SORCS3: variants seen among roughly 807,000 people sequenced by gnomAD.
SORCS3 encodes the protein VPS10 domain-containing receptor SorCS3.
SORCS3 carries 57 observed loss-of-function variants against 146.3 expected under a neutral mutation model. The observed-to-expected ratio is 0.39, with a 90% CI of 0.31 to 0.49. The LOEUF (loss-of-function observed/expected upper bound fraction) is 0.49, where lower values mean the gene tolerates loss of function less well. SORCS3 is among the 20% of genes least tolerant of loss of function. The pLI, the probability that SORCS3 is intolerant of heterozygous loss-of-function variation, is 0.92. For missense variants in SORCS3, 1,341 were observed against 1,575.5 expected (o/e 0.85, Z 2.52); for synonymous variants, 653 against 618.5 (o/e 1.06, Z -0.83).
intron 8 of SORCS3, among the ~76,000 whole-genome samples, chr10:105,141,922 G>T (rs556857712): frequency 6.6e-6 from 1 of 152,278 alleles, no homozygotes; most frequent in East Asian, 1.9e-4. Context: ...GTTTGACAGA[G>T]TTGTGAGGAT....
At chr10:105,155,455 G>A (rs777898668) in intron 9 of SORCS3, among the ~76,000 whole-genome samples, 15 of 152,194 alleles carry the variant, frequency 9.9e-5, no homozygotes, top group Non-Finnish European at 2.2e-4. Flanking sequence ...GGAATCATTA[G>A]GTGGTGGTCT....
At chr10:104,890,267 A>AC (rs1271589585) in intron 2 of SORCS3, among the ~76,000 whole-genome samples, 1 of 148,468 alleles carries the variant, frequency 6.7e-6, no homozygotes, top group African/African-American at 2.5e-5. Context: ...CCACCCCCAC[A>AC]CCTCCTTCTC....
intron 7 of SORCS3, among the ~76,000 whole-genome samples, chr10:105,107,058 T>A (rs1315101666): frequency 6.6e-6 from 1 of 152,106 alleles, no homozygotes; most frequent in East Asian, 1.9e-4. Flanking sequence ...GCCTTCCATA[T>A]CAAATAACCA....
intron 9 of SORCS3, among the ~76,000 whole-genome samples, chr10:105,152,099 T>C (rs934856179): frequency 1.3e-5 from 2 of 152,188 alleles, no homozygotes; most frequent in African/African-American, 4.8e-5. Flanking sequence ...ACAAATATTC[T>C]TTCCAACACC....
chr10:105,248,086 G>A (rs2056877968), intron 22 of SORCS3, among the ~76,000 whole-genome samples: 1 of 152,248 alleles, frequency 6.6e-6, no homozygotes, highest in South Asian at 2.1e-4. Context: ...TAGAATTACA[G>A]AGTTAATCCA....
Position 105,066,221 on chromosome 10 carries a change from C to T in SORCS3, c.1028+23093C>T, listed in dbSNP as rs190967601. Among the ~76,000 whole-genome samples the T allele has an allele frequency of 4.6e-5, 7 of 152,286 alleles. No homozygotes were observed. In the East Asian group the frequency reaches 9.6e-4, roughly 21 times the overall value. ...AGGCCTGCATTAACAGTAAGAAGCACGCCTTCCCCTGTCCCATCCCTCCTG... is the reference window on the plus strand; with the variant it reads ...AGGCCTGCATTAACAGTAAGAAGCATGCCTTCCCCTGTCCCATCCCTCCTG... On this transcript the variant is annotated intron_variant, in intron 5 of 26. Coordinates refer to ENST00000369701, the MANE Select transcript of SORCS3 (RefSeq NM_014978.3).
intron 22 of SORCS3, among the ~76,000 whole-genome samples, chr10:105,249,286 C>G (rs1333379453): frequency 6.6e-6 from 1 of 152,038 alleles, no homozygotes; most frequent in Non-Finnish European, 1.5e-5. Flanking sequence ...TGAAGATGAC[C>G]AGGAGGGTTG....
At chr10:104,729,262 C>G (rs761735811) in intron 1 of SORCS3, among the ~76,000 whole-genome samples, 1 of 152,184 alleles carries the variant, frequency 6.6e-6, no homozygotes, top group Non-Finnish European at 1.5e-5. Context: ...ATCCTACTTT[C>G]AGCAAGACAT....
In SORCS3 at chr10:104,733,520, A is replaced by ATT. The variant is rs34203788; in HGVS notation, c.627+91585_627+91586dup. Among the ~76,000 whole-genome samples the ATT allele has an allele frequency of 4.1e-3, 503 of 123,336 alleles. 2 individuals are homozygous for ATT. The highest frequency in any genetic ancestry group is 0.014 in the African/African-American group (461 of 33,222). The allele number at this position is 123,336 out of a possible 152,430, so 80.9% of individuals were successfully genotyped here. A position where few individuals can be genotyped will look rare whatever the true frequency, so the allele number is the denominator to read the frequency against. On this transcript the variant is annotated intron_variant, in intron 1 of 26. Transcript: ENST00000369701. Reference sequence around the variant, plus strand: ...GCGCACCACCATGCCCTGATGATTAATTTTTTTTTTTTTTTTTTTTGTAGA... The same window carrying ATT: ...GCGCACCACCATGCCCTGATGATTAATTTTTTTTTTTTTTTTTTTTTTGTAGA...
chr10:105,157,531 A>AACATAT (rs2056222241), intron 10 of SORCS3, among the ~76,000 whole-genome samples: 1 of 152,204 alleles, frequency 6.6e-6, no homozygotes, highest in Non-Finnish European at 1.5e-5. Flanking sequence ...AAGGCAAATA[A>AACATAT]ACATATAAGA....
intron 5 of SORCS3, among the ~76,000 whole-genome samples, chr10:105,061,324 T>C (rs1589614116): frequency 1.4e-5 from 2 of 142,488 alleles, no homozygotes; most frequent in Non-Finnish European, 3.0e-5. Flanking sequence ...AGGTGGAGTC[T>C]CGCTCTGTCA....
At chr10:104,774,946 C>T (rs1458651249) in intron 1 of SORCS3, among the ~76,000 whole-genome samples, 1 of 152,154 alleles carries the variant, frequency 6.6e-6, no homozygotes, top group Non-Finnish European at 1.5e-5. Context: ...TTCCCAAGGA[C>T]ATATTTCTCA....
At chr10:104,805,446 G>A (rs1382621912) in intron 1 of SORCS3, among the ~76,000 whole-genome samples, 1 of 152,220 alleles carries the variant, frequency 6.6e-6, no homozygotes, top group African/African-American at 2.4e-5. Context: ...GTTTGAAAGT[G>A]GTTTTGGCTA....
At chr10:104,883,980 G>A (rs182143702) in intron 2 of SORCS3, among the ~76,000 whole-genome samples, 4 of 149,838 alleles carry the variant, frequency 2.7e-5, no homozygotes, top group South Asian at 2.1e-4. Flanking sequence ...TGGAATGAGG[G>A]GGGGGAAAGG....
intron 14 of SORCS3, among the ~76,000 whole-genome samples, chr10:105,188,705 T>G (rs1167353663): frequency 4.6e-5 from 7 of 152,234 alleles, no homozygotes; most frequent in Non-Finnish European, 1.0e-4. Flanking sequence ...TTTTAAAAAT[T>G]AATGAAAGAT....
chr10:104,942,758 T>C (rs2019333359), intron 3 of SORCS3, among the ~76,000 whole-genome samples: 1 of 152,222 alleles, frequency 6.6e-6, no homozygotes. Flanking sequence ...TAATAACTCT[T>C]ATCCAACTAG....
Position 105,211,266 on chromosome 10 carries a change from A to G in SORCS3, c.2375+16A>G, listed in dbSNP as rs949734997. 5 of 1,557,416 alleles carry G rather than the reference A, an allele frequency of 3.2e-6. No individual in the cohort carries two copies. The highest frequency in any genetic ancestry group is 2.7e-5 in the African/African-American group (2 of 73,870). ...ACAGCACTGGGTAAGTAAAACACCT[A>G]CAGGAACTCAGCTCCCTGTTTTCCT... On this transcript the variant is annotated intron_variant, in intron 17 of 26. Coordinates refer to ENST00000369701, the MANE Select transcript of SORCS3 (RefSeq NM_014978.3).
intron 3 of SORCS3, among the ~76,000 whole-genome samples, chr10:104,949,919 T>C (rs1408868012): frequency 1.3e-5 from 2 of 152,190 alleles, no homozygotes; most frequent in Admixed American, 6.5e-5. Context: ...TAAAGTGAAA[T>C]GGTAATGAGT....
At chr10:104,775,417 G>A (rs2017297205) in intron 1 of SORCS3, among the ~76,000 whole-genome samples, 1 of 152,200 alleles carries the variant, frequency 6.6e-6, no homozygotes, top group African/African-American at 2.4e-5. Context: ...ATGTATATAA[G>A]TCAAGGGCTT....
Sources: allele counts gnomAD v4.1 joint callset (sites outside exome capture counted in the v4.1 genomes callset), GRCh38; gene constraint gnomAD v4.1.1; transcripts MANE v1.5; gene names NCBI Gene and HGNC (gene_info 2026-07-23, HGNC 2026-07-21).